MLLT10: variants seen among roughly 807,000 people sequenced by gnomAD.
The protein encoded by MLLT10 is MLLT10 histone lysine methyltransferase DOT1L cofactor, also known as protein AF-10.
Under a neutral mutation model 129.1 loss-of-function variants are expected in MLLT10, and 30 were observed. The ratio of observed to expected loss-of-function variants is 0.23; its 90% CI spans 0.17 to 0.32. The LOEUF (loss-of-function observed/expected upper bound fraction) is 0.32. MLLT10 is among the 10% of genes least tolerant of loss of function. MLLT10 has a pLI of 1.00. For missense variants in MLLT10, 1,119 were observed against 1,268.3 expected (o/e 0.88, Z 1.79); for synonymous variants, 490 against 446.4 (o/e 1.10, Z -1.23).
intron 21 of MLLT10, among the ~76,000 whole-genome samples, chr10:21,739,430 A>G (rs1200912002): frequency 1.3e-5 from 2 of 152,122 alleles, no homozygotes; most frequent in East Asian, 1.9e-4. Context: ...TAAAATTACA[A>G]CCTGACCATT....
chr10:21,628,242 G>T (rs1456526655), intron 8 of MLLT10, among the ~76,000 whole-genome samples: 1 of 152,110 alleles, frequency 6.6e-6, no homozygotes, highest in Non-Finnish European at 1.5e-5. Context: ...CTGTAAATCT[G>T]TGTTAGTTAA....
intron 3 of MLLT10, among the ~76,000 whole-genome samples, chr10:21,547,721 T>G (rs2036332411): frequency 6.6e-6 from 1 of 151,962 alleles, no homozygotes; most frequent in African/African-American, 2.4e-5. Context: ...GTATTTTTAA[T>G]AGAGATGGGG....
At chr10:21,564,136 C>G (rs1380751745) in intron 3 of MLLT10, among the ~76,000 whole-genome samples, 1 of 151,902 alleles carries the variant, frequency 6.6e-6, no homozygotes, top group Non-Finnish European at 1.5e-5. Flanking sequence ...TTTTTTGAGA[C>G]AGGGTCTTGC....
At chr10:21,703,101 C>T (rs2055085761) in intron 13 of MLLT10, among the ~76,000 whole-genome samples, 1 of 151,926 alleles carries the variant, frequency 6.6e-6, no homozygotes, top group African/African-American at 2.4e-5. Context: ...GAGTTTTGTA[C>T]TTTTGTATGT....
chr10:21,688,297 G>A (rs2053498881), intron 13 of MLLT10, among the ~76,000 whole-genome samples: 1 of 152,124 alleles, frequency 6.6e-6, no homozygotes, highest in Admixed American at 6.5e-5. Flanking sequence ...AACTGGTAAT[G>A]CCATTACTAC....
intron 6 of MLLT10, among the ~76,000 whole-genome samples, chr10:21,612,834 G>A (rs2044791582): frequency 6.6e-6 from 1 of 152,150 alleles, no homozygotes; most frequent in Non-Finnish European, 1.5e-5. Context: ...TGTGTCTCAA[G>A]TGAGAAGTAG....
chr10:21,662,289 A>G (rs1352302016), intron 9 of MLLT10, among the ~76,000 whole-genome samples: 2 of 152,166 alleles, frequency 1.3e-5, no homozygotes, highest in South Asian at 4.1e-4. Flanking sequence ...TTTGGACGTT[A>G]TGATTTCAAA....
At chr10:21,687,316 C>T (rs1263124205) in intron 13 of MLLT10, among the ~76,000 whole-genome samples, 1 of 152,024 alleles carries the variant, frequency 6.6e-6, no homozygotes, top group African/African-American at 2.4e-5. Flanking sequence ...ATATGTGTCC[C>T]TTTTTTATTT....
intron 9 of MLLT10, chr10:21,668,827 T>C (rs2051105792): frequency 1.0e-6 from 1 of 979,318 alleles, no homozygotes; most frequent in Non-Finnish European, 1.3e-6. Flanking sequence ...CTACCCAATT[T>C]TCTCTCCATT....
At chr10:21,734,603 C>T (rs145723837) in intron 20 of MLLT10, among the ~76,000 whole-genome samples, 1 of 152,240 alleles carries the variant, frequency 6.6e-6, no homozygotes, top group African/African-American at 2.4e-5. Flanking sequence ...TTGTTCAAAA[C>T]TAGGGGACTA....
chr10:21,718,140 C>CG (rs2056881935), intron 14 of MLLT10, among the ~76,000 whole-genome samples: 1 of 152,006 alleles, frequency 6.6e-6, no homozygotes, highest in South Asian at 2.1e-4. Context: ...CCACTGCGCC[C>CG]GGCCTCTATT....
intron 21 of MLLT10, among the ~76,000 whole-genome samples, chr10:21,738,040 TG>T (rs1350856065): frequency 1.3e-5 from 2 of 151,618 alleles, no homozygotes; most frequent in Admixed American, 6.6e-5. Flanking sequence ...GAGACGGAGG[TG>T]GGCGGATCAC....
At chr10:21,687,662 G>A (rs141756328) in intron 13 of MLLT10, among the ~76,000 whole-genome samples, 12 of 152,238 alleles carry the variant, frequency 7.9e-5, no homozygotes, top group African/African-American at 2.9e-4. Flanking sequence ...GGATAATTAG[G>A]TTAAAAAAAG....
chr10:21,730,309 G>GAAAAAAAAAAAAAAAAAAA (rs10568793), intron 16 of MLLT10, among the ~76,000 whole-genome samples: 1 of 122,846 alleles, frequency 8.1e-6, no homozygotes. Context: ...CTCCAAAAAT[G>GAAAAAAAAAAAAAAAAAAA]AAAAAAAAAA....
chr10:21,568,758 T>A (rs1395321428), intron 3 of MLLT10, among the ~76,000 whole-genome samples: 1 of 152,148 alleles, frequency 6.6e-6, no homozygotes, highest in Non-Finnish European at 1.5e-5. Flanking sequence ...TGCCTCAGCC[T>A]CCTGAGTAGC....
intron 9 of MLLT10, among the ~76,000 whole-genome samples, chr10:21,661,012 A>G (rs1008463399): frequency 6.6e-6 from 1 of 151,768 alleles, no homozygotes; most frequent in Admixed American, 6.6e-5. Context: ...TTAGTTCCAT[A>G]TATTTTAAAA....
intron 8 of MLLT10, among the ~76,000 whole-genome samples, chr10:21,622,875 T>C (rs896242383): frequency 1.3e-5 from 2 of 152,216 alleles, no homozygotes; most frequent in Non-Finnish European, 2.9e-5. Flanking sequence ...TCCCAGATTG[T>C]CACCTGTACT....
At chr10:21,598,114 T>A (rs1307698627) in intron 5 of MLLT10, among the ~76,000 whole-genome samples, 1 of 152,244 alleles carries the variant, frequency 6.6e-6, no homozygotes, top group Non-Finnish European at 1.5e-5. Context: ...TTTTCTAATT[T>A]CACCCTTTCT....
intron 13 of MLLT10, among the ~76,000 whole-genome samples, chr10:21,683,016 T>C (rs2052904888): frequency 6.6e-6 from 1 of 152,230 alleles, no homozygotes; most frequent in Non-Finnish European, 1.5e-5. Flanking sequence ...GACTGCTTGA[T>C]TCCAAGCAGT....
Sources: allele counts gnomAD v4.1 joint callset (sites outside exome capture counted in the v4.1 genomes callset), GRCh38; gene constraint gnomAD v4.1.1; transcripts MANE v1.5; gene names NCBI Gene and HGNC (gene_info 2026-07-23, HGNC 2026-07-21).